KPNA3: variants seen among roughly 807,000 people sequenced by gnomAD.
The protein encoded by KPNA3 is importin subunit alpha-4.
Under a neutral mutation model 73.8 loss-of-function variants are expected in KPNA3, and 13 were observed. The observed-to-expected ratio is 0.18, with a 90% confidence interval of 0.11 to 0.28. The LOEUF (loss-of-function observed/expected upper bound fraction) is 0.28. Among genes scored for constraint, KPNA3 ranks in the 10% least tolerant of loss-of-function variants. The pLI is 1.00. For synonymous variants in KPNA3, 186 were observed against 206.9 expected (o/e 0.90, Z 0.87); for missense variants, 360 against 618.1 (o/e 0.58, Z 4.43).
chr13:49,776,966 A>G (rs1173808441), intron 1 of KPNA3, among the ~76,000 whole-genome samples: 1 of 152,238 alleles, frequency 6.6e-6, no homozygotes, highest in East Asian at 1.9e-4. Context: ...TTAACACTGT[A>G]TAAAAGCTGG....
chr13:49,723,127 T>C (rs9535313), intron 7 of KPNA3, among the ~76,000 whole-genome samples: 64,599 of 151,690 alleles, frequency 0.43, 14,277 homozygotes, highest in South Asian at 0.59. Flanking sequence ...TATTATTTAC[T>C]TAAAATTTAA....
intron 2 of KPNA3, among the ~76,000 whole-genome samples, chr13:49,739,789 T>C (rs1280839687): frequency 2.6e-5 from 4 of 152,198 alleles, no homozygotes; most frequent in Non-Finnish European, 5.9e-5. Context: ...TGTGCCAGAA[T>C]GTAAACCAAC....
intron 2 of KPNA3, among the ~76,000 whole-genome samples, chr13:49,739,207 T>A (rs997940334): frequency 3.9e-5 from 6 of 152,164 alleles, no homozygotes; most frequent in African/African-American, 1.4e-4. Context: ...CCTCCAAATC[T>A]ACTGAAAATA....
intron 1 of KPNA3, among the ~76,000 whole-genome samples, chr13:49,749,711 T>C (rs760546364): frequency 2.0e-5 from 3 of 152,214 alleles, no homozygotes; most frequent in Non-Finnish European, 4.4e-5. Flanking sequence ...ATTCTAAGAT[T>C]TGTGTATATA....
intron 2 of KPNA3, among the ~76,000 whole-genome samples, chr13:49,743,216 C>G (rs1954589445): frequency 6.6e-6 from 1 of 152,094 alleles, no homozygotes; most frequent in Admixed American, 6.5e-5. Context: ...GACTAGCTCT[C>G]TTTTGTTTTC....
chr13:49,760,634 A>G (rs1488199843), intron 1 of KPNA3, among the ~76,000 whole-genome samples: 1 of 152,188 alleles, frequency 6.6e-6, no homozygotes, highest in Non-Finnish European at 1.5e-5. Flanking sequence ...ATACCCAGAT[A>G]GCTGGTGAAA....
rs1200664556 is a variant in KPNA3, at chr13:49,782,579, T to C, written c.69+9859A>G. 2.6e-5 allele frequency among the ~76,000 whole-genome samples: 4 copies of C among 152,246 alleles called. 1 individual carries two copies. The highest frequency in any genetic ancestry group is 4.1e-4 in the South Asian group (2 of 4,824). ...GGCACCTAATGATGTCTACATAGCA[T>C]GTAGAAAATACTAAATAGGCTGCGC... On this transcript the variant is annotated intron_variant, in intron 1 of 16. Coordinates refer to ENST00000261667, the MANE Select transcript of KPNA3 (RefSeq NM_002267.4).
At chr13:49,729,324 T>A (rs1253980280) in intron 6 of KPNA3, among the ~76,000 whole-genome samples, 1 of 152,160 alleles carries the variant, frequency 6.6e-6, no homozygotes, top group African/African-American at 2.4e-5. Context: ...AGAAAGTTAT[T>A]AAGCTGGTTA....
At chr13:49,711,470 C>A (rs1227455957) in intron 10 of KPNA3, among the ~76,000 whole-genome samples, 2 of 152,190 alleles carry the variant, frequency 1.3e-5, no homozygotes, top group Non-Finnish European at 2.9e-5. Context: ...TTTAGCAATA[C>A]AATTTTTCAG....
intron 15 of KPNA3, among the ~76,000 whole-genome samples, chr13:49,704,567 T>C (rs563329588): frequency 6.6e-6 from 1 of 151,780 alleles, no homozygotes; most frequent in Non-Finnish European, 1.5e-5. Context: ...AAATAAACAA[T>C]AGAATATTCA....
In KPNA3 at chr13:49,792,588, G is replaced by A; in HGVS notation, c.-82C>T. 1 of 600,806 alleles carries A rather than the reference G, an allele frequency of 1.7e-6. No individual in the cohort carries two copies. Among genetic ancestry groups the A allele is most frequent in the African/African-American group, 2.7e-5 (1 of 36,470 alleles). 37.2% of individuals were successfully genotyped at this position (600,806 alleles called of 1,614,324 possible). On this transcript the variant is annotated 5_prime_UTR_variant, in exon 1 of 17. Transcript: ENST00000261667. ...AATCTTGGAGCGGGAGGGGGAGGAG[G>A]GGGAGAGCGGGAGGGGGGAGGGGAG...
chr13:49,778,351 C>T (rs1049150653), intron 1 of KPNA3, among the ~76,000 whole-genome samples: 5 of 152,202 alleles, frequency 3.3e-5, no homozygotes, highest in South Asian at 2.1e-4. Flanking sequence ...AGGCAAATGC[C>T]GAGCTGTAAC....
intron 1 of KPNA3, among the ~76,000 whole-genome samples, chr13:49,769,671 C>A (rs1457143893): frequency 6.6e-6 from 1 of 152,140 alleles, no homozygotes; most frequent in Admixed American, 6.6e-5. Context: ...TTTTATCTAC[C>A]TATTCTTCCA....
intron 1 of KPNA3, among the ~76,000 whole-genome samples, chr13:49,774,783 G>A (rs1954883009): frequency 6.6e-6 from 1 of 152,170 alleles, no homozygotes; most frequent in East Asian, 1.9e-4. Flanking sequence ...CCTAACTGCT[G>A]CATGGAGCTA....
At chr13:49,770,871 A>C (rs1206192415) in intron 1 of KPNA3, among the ~76,000 whole-genome samples, 4 of 151,598 alleles carry the variant, frequency 2.6e-5, no homozygotes, top group South Asian at 2.1e-4. Context: ...AAAACCCCCG[A>C]AAATATAACT....
intron 7 of KPNA3, among the ~76,000 whole-genome samples, chr13:49,722,827 C>A (rs1954372122): frequency 5.0e-5 from 4 of 79,548 alleles, no homozygotes; most frequent in Admixed American, 1.9e-4. Flanking sequence ...TCCTATAATC[C>A]ATTAAAAAAA....
At chr13:49,783,276 T>G (rs574052434) in intron 1 of KPNA3, among the ~76,000 whole-genome samples, 5 of 152,082 alleles carry the variant, frequency 3.3e-5, no homozygotes, top group African/African-American at 1.2e-4. Context: ...CAAGTAAATA[T>G]AGTCATGATT....
chr13:49,778,968 T>G (rs1217050646), intron 1 of KPNA3, among the ~76,000 whole-genome samples: 1 of 152,210 alleles, frequency 6.6e-6, no homozygotes, highest in African/African-American at 2.4e-5. Context: ...ATTTTTGATT[T>G]TCTGAAATCA....
intron 1 of KPNA3, among the ~76,000 whole-genome samples, chr13:49,774,888 C>T (rs1954883987): frequency 2.0e-5 from 3 of 152,114 alleles, no homozygotes; most frequent in African/African-American, 7.2e-5. Flanking sequence ...GGCATGGTGG[C>T]TCATGCCTGT....
Sources: gnomAD v4.1 joint callset for allele counts (sites outside exome capture counted in the v4.1 genomes callset) on GRCh38, gnomAD v4.1.1 for gene constraint, MANE v1.5 for transcripts, NCBI Gene and HGNC (gene_info 2026-07-23, HGNC 2026-07-21) for gene names.